The following MFRP variants were observed in gnomAD, a reference collection of about 807,000 sequenced individuals.
The protein encoded by MFRP is membrane frizzled-related protein.
In MFRP, 74 loss-of-function variants were observed where a neutral mutation model predicts 65.8. The ratio of observed to expected loss-of-function variants is 1.12; its 90% CI spans 0.93 to 1.36. The LOEUF (loss-of-function observed/expected upper bound fraction) is 1.36, where lower values mean the gene tolerates loss of function less well. Ranked by LOEUF, MFRP falls within the 40% of genes most tolerant of loss-of-function variation. The pLI, the probability that MFRP is intolerant of heterozygous loss-of-function variation, is 0.00. For synonymous variants in MFRP, 336 were observed against 288.3 expected, an observed-to-expected ratio of 1.17 and a Z score of -1.68; for missense variants, 838 against 736.0, an observed-to-expected ratio of 1.14 and a Z score of -1.60.
chr11:119,345,426 A>T lies in MFRP; in HGVS notation c.635T>A (p.Leu212His). 1 of 1,613,722 alleles carries T rather than the reference A, an allele frequency of 6.2e-7. No individual in the cohort carries two copies. The highest frequency in any genetic ancestry group is 8.5e-7 in the Non-Finnish European group (1 of 1,179,900). ...LELSPEPEGP[L>H]LRVCGRVPPP... ...TGGGGACAGAGGGACCTACCTGAGGAGGGGGCCTTCAGGCTCAGGGGAGAG... is the reference window on the plus strand; with the variant it reads ...TGGGGACAGAGGGACCTACCTGAGGTGGGGGCCTTCAGGCTCAGGGGAGAG... Residue 212 changes from leucine to histidine, a missense_variant, in exon 5 of 15, where the codon CTC becomes CAC. Leu to His is a moderately conservative substitution (Grantham distance 99). Transcript: ENST00000619721.
chr11:119,339,159 C>T lies in MFRP; in HGVS notation c.*1800G>A, dbSNP rs1950469443. 2 of 718,058 alleles carry T rather than the reference C, an allele frequency of 2.8e-6. No homozygotes were observed. The highest frequency in any genetic ancestry group is 2.9e-5 in the Admixed American group (1 of 34,226). The allele number at this position is 718,058 out of a possible 1,614,324, so 44.5% of individuals were successfully genotyped here. A position where few individuals can be genotyped will look rare whatever the true frequency, so the allele number is the denominator to read the frequency against. On this transcript the variant is annotated 3_prime_UTR_variant, in exon 15 of 15. Coordinates refer to ENST00000619721, the MANE Select transcript of MFRP (RefSeq NM_031433.4). The surrounding 1 kb of genome is among the most constrained non-coding windows in gnomAD (Gnocchi z 5.4). ...ACTGCCCCATGCTGCCAGACCTGAT[C>T]GCAGACAGCCACTGTTCCCATTCCT...
chr11:119,345,128 G>A (rs1013220973), intron 5 of MFRP, 124 bp from the exon 6 acceptor site: 27 of 1,310,964 alleles, frequency 2.1e-5, no homozygotes, highest in African/African-American at 2.9e-5. Context: ...GGTCAAAAAG[G>A]CTCCTCTGAT....
At chr11:119,343,029 G>A in intron 9 of MFRP, 26 bp from the exon 10 acceptor site, 1 of 1,583,132 alleles carries the variant, frequency 6.3e-7, no homozygotes, top group Non-Finnish European at 8.6e-7. Flanking sequence ...AGCTGTTCTG[G>A]GCACCAGCCC....
chr11:119,344,444 A>G, intron 7 of MFRP, 53 bp from the exon 8 acceptor site: 2 of 1,577,588 alleles, frequency 1.3e-6, no homozygotes, highest in Non-Finnish European at 1.7e-6. Context: ...GCCTCCATCC[A>G]ATAGGGCTGG....
In MFRP at chr11:119,342,570, A is replaced by C. The variant is rs749732936; in HGVS notation, c.1387+26T>G. On this transcript the variant is annotated intron_variant, in intron 11 of 14. Coordinates refer to ENST00000619721, the MANE Select transcript of MFRP (RefSeq NM_031433.4). ...TGTGAGGTGGGCACCCAGCCTGCTC[A>C]GGGTCCCCAGGGGCAGGCTTCTCAC... The C allele has an allele frequency of 2.5e-6, 4 of 1,612,036 alleles. No homozygotes were observed. In the South Asian group the frequency reaches 4.4e-5, roughly 18 times the overall value.
At position 119,341,789 on chromosome 11, in the gene MFRP, G is replaced by A; in HGVS notation, c.1516-17C>T. 1.2e-6 allele frequency: 2 copies of A among 1,613,212 alleles called. No homozygotes were observed. Among genetic ancestry groups the A allele is most frequent in the Non-Finnish European group, 1.7e-6 (2 of 1,179,926 alleles). On this transcript the variant is annotated splice_polypyrimidine_tract_variant and intron_variant, in intron 12 of 14. Coordinates refer to ENST00000619721, the MANE Select transcript of MFRP (RefSeq NM_031433.4). ...TGTCAGGCTCTGCGGAGGGAGAGTG[G>A]CCTTCAGGCACCTGCTCCCAGGCTC...
rs1289007132 is a variant in MFRP at position 119,346,690 on chromosome 11, T to C, written c.-177A>G. The C allele has an allele frequency of 4.4e-6, 3 of 679,296 alleles. No homozygotes were observed. The highest frequency in any genetic ancestry group is 2.7e-6 in the Non-Finnish European group (1 of 375,690). 42.1% of individuals were successfully genotyped at this position (679,296 alleles called of 1,614,324 possible). A position where few individuals can be genotyped will look rare whatever the true frequency, so the allele number is the denominator to read the frequency against. ...TGGTAGAGTGGTTTGGCCTATGGGC[T>C]ACTCTGTCTCTGTGTGGGGGAAGGG... On this transcript the variant is annotated 5_prime_UTR_variant, in exon 1 of 15. Transcript: ENST00000619721.
chr11:119,341,804 C>T, intron 12 of MFRP, 32 bp from the exon 13 acceptor site: 2 of 1,613,478 alleles, frequency 1.2e-6, no homozygotes, highest in East Asian at 4.5e-5. Context: ...CAGGCACCTG[C>T]TCCCAGGCTC....
At position 119,339,675 on chromosome 11, in the gene MFRP, C is replaced by T; in HGVS notation, c.*1284G>A. ...GCGTCGTAATGTCCCTGCTCGTTCACCAGCACGCGGTCGAAGGGCAAGGGT... is the reference window on the plus strand; with the variant it reads ...GCGTCGTAATGTCCCTGCTCGTTCATCAGCACGCGGTCGAAGGGCAAGGGT... On this transcript the variant is annotated 3_prime_UTR_variant, in exon 15 of 15. Transcript: ENST00000619721. This position sits in a 1 kb window ranked among gnomAD's most constrained non-coding sequence, Gnocchi z 5.4. The T allele has an allele frequency of 6.2e-7, 1 of 1,611,106 alleles. No individual in the cohort carries two copies. The highest frequency in any genetic ancestry group is 2.2e-5 in the East Asian group (1 of 44,880).
intron 11 of MFRP, 106 bp from the exon 12 acceptor site, chr11:119,342,090 G>T: frequency 7.0e-7 from 1 of 1,424,662 alleles, no homozygotes; most frequent in Non-Finnish European, 9.7e-7. Flanking sequence ...GTCCAATGGG[G>T]GTGGTTGTGA....
chr11:119,343,093 G>A, intron 9 of MFRP, 90 bp from the exon 10 acceptor site: 2 of 1,498,554 alleles, frequency 1.3e-6, no homozygotes, highest in Non-Finnish European at 1.8e-6. Flanking sequence ...TGAGCTGGGA[G>A]CCCTGGATGA....
Position 119,344,874 on chromosome 11 carries a change from C to T in MFRP, c.772G>A (p.Gly258Arg), listed in dbSNP as rs778144527. Residue 258 changes from glycine to arginine, a missense_variant and splice_region_variant, in exon 6 of 15, where the codon GGG becomes AGG. By Grantham distance (125) the Gly-to-Arg change is moderately radical (BLOSUM62 -2). Transcript: ENST00000619721. The stretch of plus-strand genomic sequence containing the variant: ...AACAGGCAGGTGGGAACACACTCAC[C>T]GCGCCCAGGGGCCATAGCCTGGTAC... ...AWYQAMAPGR[G>R]SCAHDEFRCD... The T allele has an allele frequency of 2.8e-5, 45 of 1,613,082 alleles. No homozygotes were observed. Among genetic ancestry groups the T allele is most frequent in the East Asian group, 1.3e-4 (6 of 44,888 alleles).
intron 13 of MFRP, 118 bp from the exon 14 acceptor site, chr11:119,340,558 C>A: frequency 1.4e-6 from 1 of 740,260 alleles, no homozygotes; most frequent in South Asian, 1.8e-5. Flanking sequence ...GCTGAGCGCT[C>A]GCAGGGCCGA....
chr11:119,339,493 C>T lies in MFRP; in HGVS notation c.*1466G>A. ...GCCTCACCATGGCCCCCCCCGAGAG[C>T]GAGGCTGGCTTGGGCCACCCCCCGA... On this transcript the variant is annotated 3_prime_UTR_variant, in exon 15 of 15. Transcript: ENST00000619721. The surrounding 1 kb of genome is among the most constrained non-coding windows in gnomAD (Gnocchi z 5.4). 6.2e-7 allele frequency: 1 copy of T among 1,613,884 alleles called. No individual in the cohort carries two copies. Among genetic ancestry groups the T allele is most frequent in the Non-Finnish European group, 8.5e-7 (1 of 1,180,002 alleles).
In MFRP at chr11:119,346,272, C is replaced by A. The variant is rs1441433019; in HGVS notation, c.157G>T (p.Gly53Cys). Residue 53 changes from glycine to cysteine, a missense_variant and splice_region_variant, in exon 2 of 15, where the codon GGT becomes TGT. Gly to Cys is a radical substitution (Grantham distance 159). Coordinates refer to ENST00000619721, the MANE Select transcript of MFRP (RefSeq NM_031433.4). The part of the protein sequence containing the change: ...ASYSVPAPWH[G>C]RRPRGLRPDC... ...CCAGGTCACCCCCTGGGATGGTTACCATGCCAGGGAGCTGGGACGCTGTAG... is the reference window on the plus strand; with the variant it reads ...CCAGGTCACCCCCTGGGATGGTTACAATGCCAGGGAGCTGGGACGCTGTAG... 1 of 1,611,802 alleles carries A rather than the reference C, an allele frequency of 6.2e-7. No individual in the cohort carries two copies. The highest frequency in any genetic ancestry group is 1.1e-5 in the South Asian group (1 of 90,692).
In MFRP at chr11:119,344,699, T is replaced by A; in HGVS notation, c.831A>T (p.Ser277=). 1 of 1,613,980 alleles carries A rather than the reference T, an allele frequency of 6.2e-7. No individual in the cohort carries two copies. Among genetic ancestry groups the A allele is most frequent in the Non-Finnish European group, 8.5e-7 (1 of 1,180,006 alleles). ...CDQLICLLPD[S]VCDGFANCAD... is the part of the protein sequence containing the mutation. Reference sequence around the variant, plus strand: ...CACAGTTGGCAAAACCATCACACACTGAGTCAGGTAGCAGGCAGATGAGCT... The same window carrying A: ...CACAGTTGGCAAAACCATCACACACAGAGTCAGGTAGCAGGCAGATGAGCT... Residue 277 remains serine, a synonymous_variant, in exon 7 of 15, where the codon TCA becomes TCT. Coordinates refer to ENST00000619721, the MANE Select transcript of MFRP (RefSeq NM_031433.4).
intron 8 of MFRP, 32 bp from the exon 9 acceptor site, chr11:119,343,996 GC>G: frequency 6.2e-7 from 1 of 1,609,336 alleles, no homozygotes. Context: ...GCAATTCATG[GC>G]CCCTTCTCCT....
In MFRP at chr11:119,340,684, G is replaced by T. The variant is rs1218388582; in HGVS notation, c.*853+11C>A. 4 of 389,172 alleles carry T rather than the reference G, an allele frequency of 1.0e-5. No individual in the cohort carries two copies. The highest frequency in any genetic ancestry group is 1.8e-5 in the Non-Finnish European group (4 of 227,898). The allele number at this position is 389,172 out of a possible 1,614,324, so 24.1% of individuals were successfully genotyped here. Reference sequence around the variant, plus strand: ...CTCCCCAGCCCCTTTCCCCTCCTCCGCCAGACTCACCCCCCCTCCCGGCTC... The same window carrying T: ...CTCCCCAGCCCCTTTCCCCTCCTCCTCCAGACTCACCCCCCCTCCCGGCTC... On this transcript the variant is annotated intron_variant, in intron 13 of 14. Coordinates refer to ENST00000619721, the MANE Select transcript of MFRP (RefSeq NM_031433.4).
At chr11:119,340,143 C>T in intron 14 of MFRP, 41 bp downstream of exon 14, 1 of 1,502,138 alleles carries the variant, frequency 6.7e-7, no homozygotes, top group Non-Finnish European at 8.9e-7. Flanking sequence ...GCCGCGCCTG[C>T]TCGGACATCG....
Sources: allele counts gnomAD v4.1 joint callset, GRCh38; gene constraint gnomAD v4.1.1; non-coding constraint Gnocchi (gnomAD v3.1); transcripts MANE v1.5; gene names NCBI Gene and HGNC (gene_info 2026-07-23, HGNC 2026-07-21).